The following PDE1C variants were observed in gnomAD, a reference collection of about 807,000 sequenced individuals.
PDE1C encodes dual specificity calcium/calmodulin-dependent 3',5'-cyclic nucleotide phosphodiesterase 1C.
A neutral mutation model predicts 93.1 loss-of-function variants in PDE1C; 62 were observed. The observed-to-expected ratio is 0.67, with a 90% confidence interval of 0.54 to 0.82. PDE1C has a LOEUF of 0.82. PDE1C is among the 40% of genes least tolerant of loss of function. PDE1C has a pLI of 0.00. For missense variants in PDE1C, 742 were observed against 884.6 expected (o/e 0.84, Z 2.04); for synonymous variants, 325 against 310.1 (o/e 1.05, Z -0.50).
At chr7:32,187,196 G>C (rs1018245076) in intron 2 of PDE1C, among the ~76,000 whole-genome samples, 9 of 151,610 alleles carry the variant, frequency 5.9e-5, no homozygotes, top group African/African-American at 2.2e-4. Flanking sequence ...GTCTCACTAT[G>C]TCACCCAGGC....
chr7:32,007,820 A>G (rs1378645805), intron 2 of PDE1C, among the ~76,000 whole-genome samples: 2 of 152,164 alleles, frequency 1.3e-5, no homozygotes, highest in African/African-American at 4.8e-5. Context: ...TCAATACCTA[A>G]AACAGTACGT....
intron 12 of PDE1C, among the ~76,000 whole-genome samples, chr7:31,826,182 TCTC>T (rs1435541520): frequency 6.6e-6 from 1 of 152,132 alleles, no homozygotes; most frequent in Non-Finnish European, 1.5e-5. Context: ...TGTTGTCCAT[TCTC>T]CTTCGAAGGG....
At chr7:32,139,302 T>A (rs1800387929) in intron 3 of PDE1C, among the ~76,000 whole-genome samples, 1 of 71,504 alleles carries the variant, frequency 1.4e-5, no homozygotes. Flanking sequence ...AAATCAACCT[T>A]TTTTTTTTTT....
At chr7:31,925,140 A>G (rs1039720114) in intron 2 of PDE1C, among the ~76,000 whole-genome samples, 1 of 150,888 alleles carries the variant, frequency 6.6e-6, no homozygotes, top group African/African-American at 2.4e-5. Flanking sequence ...CAGATTCATC[A>G]CTATCAAGAT....
intron 2 of PDE1C, among the ~76,000 whole-genome samples, chr7:32,173,373 T>C (rs1198074266): frequency 2.0e-5 from 3 of 151,762 alleles, no homozygotes; most frequent in Non-Finnish European, 2.9e-5. Flanking sequence ...GGGTGGGGTT[T>C]AGGGGAGGGA....
chr7:31,956,414 C>G lies in PDE1C; in HGVS notation c.129-75554G>C, dbSNP rs141078003. Among the ~76,000 whole-genome samples the G allele has an allele frequency of 6.1e-3, 934 of 151,900 alleles. 11 individuals are homozygous for G. Among genetic ancestry groups the G allele is most frequent in the African/African-American group, 0.022 (893 of 41,446 alleles). ...GCCCCTTTTTCTCCCTTTATGGCAT[C>G]CAGGCAGACAGTCTGTAACAGTGGG... On this transcript the variant is annotated intron_variant, in intron 2 of 17. Transcript: ENST00000396191.
At chr7:31,761,050 G>A (rs922964760) in intron 17 of PDE1C, among the ~76,000 whole-genome samples, 2 of 46,264 alleles carry the variant, frequency 4.3e-5, no homozygotes, top group Admixed American at 2.2e-4. Flanking sequence ...TTCAGGAACC[G>A]CTGTGGTAAA....
intron 1 of PDE1C, among the ~76,000 whole-genome samples, chr7:32,356,881 G>A (rs1470848149): frequency 2.6e-5 from 4 of 151,934 alleles, no homozygotes; most frequent in Non-Finnish European, 5.9e-5. Flanking sequence ...TTCATCCCCG[G>A]GTTTGAAAAG....
the PDE1C span, among the ~76,000 whole-genome samples, chr7:31,721,338 G>A: frequency 1.1e-4 from 16 of 152,198 alleles, no homozygotes; most frequent in Admixed American, 7.2e-4. Flanking sequence ...TGACAGAAAT[G>A]TTCTATGTCT....
intron 15 of PDE1C, among the ~76,000 whole-genome samples, chr7:31,811,796 C>G (rs1406166182): frequency 6.6e-6 from 1 of 151,986 alleles, no homozygotes; most frequent in African/African-American, 2.4e-5. Flanking sequence ...GATGGGGAGG[C>G]TGTGGGAGGA....
At chr7:32,028,300 T>C (rs12216602) in intron 2 of PDE1C, among the ~76,000 whole-genome samples, 17,380 of 152,058 alleles carry the variant, frequency 0.11, 1,070 homozygotes, top group Non-Finnish European at 0.13. Flanking sequence ...ATCTAACAGG[T>C]CCCAAGCTTC....
the PDE1C span, among the ~76,000 whole-genome samples, chr7:31,706,968 C>G: frequency 6.6e-6 from 1 of 152,182 alleles, no homozygotes; most frequent in African/African-American, 2.4e-5. Context: ...AAGGTTGCCT[C>G]TGACTTCCAG....
At chr7:31,634,135 C>T in the PDE1C span, among the ~76,000 whole-genome samples, 2 of 152,282 alleles carry the variant, frequency 1.3e-5, no homozygotes, top group African/African-American at 2.4e-5. Context: ...GTGCCTGAGG[C>T]GTCTGTCTCC....
intron 2 of PDE1C, among the ~76,000 whole-genome samples, chr7:31,897,957 T>C (rs1158791920): frequency 6.6e-6 from 1 of 152,092 alleles, no homozygotes; most frequent in African/African-American, 2.4e-5. Flanking sequence ...GTATATATTT[T>C]TTCTCAGGTT....
chr7:32,425,033 A>G (rs1554321631), intron 1 of PDE1C, among the ~76,000 whole-genome samples: 1 of 152,054 alleles, frequency 6.6e-6, no homozygotes, highest in Non-Finnish European at 1.5e-5. Context: ...GTGATAATAA[A>G]AGCATCCATC....
At chr7:31,700,257 A>G in the PDE1C span, among the ~76,000 whole-genome samples, 2 of 152,222 alleles carry the variant, frequency 1.3e-5, no homozygotes, top group East Asian at 3.9e-4. Flanking sequence ...CAGGAATGAT[A>G]TGGAAGTGAA....
intron 1 of PDE1C, among the ~76,000 whole-genome samples, chr7:32,310,731 T>A (rs1446927229): frequency 3.3e-5 from 5 of 151,320 alleles, no homozygotes; most frequent in Admixed American, 2.6e-4. Context: ...CATACCAGAA[T>A]CTCTGGGACG....
intron 2 of PDE1C, among the ~76,000 whole-genome samples, chr7:32,011,805 T>C (rs1365167120): frequency 3.3e-5 from 5 of 152,210 alleles, no homozygotes; most frequent in Non-Finnish European, 7.3e-5. Flanking sequence ...CTATATGATG[T>C]AGCCATTCCA....
upstream of PDE1C, among the ~76,000 whole-genome samples, chr7:32,075,258 C>A (rs182510747): frequency 5.0e-3 from 759 of 152,322 alleles, 8 homozygotes; most frequent in African/African-American, 0.017. Flanking sequence ...TTGCTTTGAC[C>A]TCCATGAAGC....
Sources: allele counts gnomAD v4.1 joint callset (sites outside exome capture counted in the v4.1 genomes callset), GRCh38; gene constraint gnomAD v4.1.1; transcripts MANE v1.5; gene names NCBI Gene and HGNC (gene_info 2026-07-23, HGNC 2026-07-21).